Variants in RBPJ observed in about 807,000 individuals in gnomAD.
The protein encoded by RBPJ is recombination signal binding protein for immunoglobulin kappa J region, also known as recombining binding protein suppressor of hairless.
RBPJ carries 9 observed loss-of-function variants against 67.8 expected under a neutral mutation model. The observed-to-expected ratio is 0.13, with a 90% CI of 0.08 to 0.23. The LOEUF is 0.23. RBPJ is among the 10% of genes least tolerant of loss of function. RBPJ has a pLI of 1.00. For missense variants in RBPJ, 305 were observed against 595.6 expected, an observed-to-expected ratio of 0.51 and a Z score of 5.08; for synonymous variants, 198 against 203.3, an observed-to-expected ratio of 0.97 and a Z score of 0.22.
rs749657365 is a variant in RBPJ at position 26,321,033 on chromosome 4, C to T, written c.5C>T (p.Ala2Val). M[A>V]PVVTGKFGER... ...TTTGGCGAGAGTTTGTGGAAGATGG[C>T]GCCTGTTGTGACAGGGTAAGTCTGA... Residue 2 changes from alanine (A) to valine (V), a missense_variant, in exon 1 of 11, where the codon GCG becomes GTG. This residue lies in a region of RBPJ where 42 missense variants were observed against 43.6 expected (regional missense o/e 0.96). Coordinates refer to ENST00000355476, the MANE Select transcript of RBPJ (RefSeq NM_015874.6). The T allele has an allele frequency of 2.5e-6, 4 of 1,612,398 alleles. No homozygotes were observed. The South Asian group carries it at 4.4e-5, about 18-fold the overall frequency.
chr4:26,355,141 C>T (rs552997540), intron 1 of RBPJ, among the ~76,000 whole-genome samples: 1 of 152,110 alleles, frequency 6.6e-6, no homozygotes, highest in East Asian at 1.9e-4. Flanking sequence ...CTCCTAGACT[C>T]AAGCAGTCTT....
intron 1 of RBPJ, among the ~76,000 whole-genome samples, chr4:26,217,448 T>A (rs1187933155): frequency 6.6e-6 from 1 of 152,044 alleles, no homozygotes; most frequent in Non-Finnish European, 1.5e-5. Flanking sequence ...GTGAGGTTGC[T>A]GCAAGTATTC....
the RBPJ span, among the ~76,000 whole-genome samples, chr4:26,133,876 C>T: frequency 6.6e-6 from 1 of 152,134 alleles, no homozygotes; most frequent in South Asian, 2.1e-4. Flanking sequence ...CACTCCTACT[C>T]TGCTTCTTTG....
rs180993354 is a variant in RBPJ at position 26,206,535 on chromosome 4, C to T, written c.-167+42921C>T. 6.6e-4 allele frequency among the ~76,000 whole-genome samples: 101 copies of T among 152,290 alleles called. 1 individual carries two copies. Among genetic ancestry groups the T allele is most frequent in the African/African-American group, 2.4e-3 (98 of 41,572 alleles). The stretch of plus-strand genomic sequence containing the variant: ...CAGGCATAACTCCAAGAAAAAGAGA[C>T]ACATGGTGAGGAACTGACATAATTT... On this transcript the variant is annotated intron_variant, in intron 1 of 4. Coordinates refer to the RBPJ transcript ENST00000512351.
chr4:26,395,677 C>T (rs1219062706), intron 2 of RBPJ, among the ~76,000 whole-genome samples: 1 of 152,104 alleles, frequency 6.6e-6, no homozygotes, highest in African/African-American at 2.4e-5. Flanking sequence ...TGGAAGCACC[C>T]CGAGCCATTC....
the RBPJ span, among the ~76,000 whole-genome samples, chr4:26,108,758 A>G: frequency 1.3e-5 from 2 of 152,216 alleles, no homozygotes; most frequent in Non-Finnish European, 2.9e-5. Flanking sequence ...CACATCTTCT[A>G]AGACTCAGCA....
chr4:26,312,140 A>AT (rs992899664), intron 1 of RBPJ, among the ~76,000 whole-genome samples: 6 of 149,992 alleles, frequency 4.0e-5, no homozygotes, highest in African/African-American at 1.2e-4. Flanking sequence ...ATTTTATTTT[A>AT]TTTTTTTTTG....
At chr4:26,319,921 C>A (rs372600082), upstream of RBPJ, 74 of 1,575,262 alleles carry the variant, frequency 4.7e-5, no homozygotes, top group African/African-American at 8.8e-4. Context: ...GGGCCCTTCA[C>A]CCTGCTGTTC....
At chr4:26,247,408 C>CT (rs564878273) in intron 1 of RBPJ, among the ~76,000 whole-genome samples, 36 of 148,048 alleles carry the variant, frequency 2.4e-4, no homozygotes, top group African/African-American at 5.2e-4. Flanking sequence ...TTTCATAATA[C>CT]TTTTTTTTTT....
chr4:26,320,968 C>A (rs1210112046), upstream of RBPJ: 1 of 1,612,058 alleles, frequency 6.2e-7, no homozygotes, highest in African/African-American at 1.3e-5. Flanking sequence ...GGGAGAGGGA[C>A]CAGGGAAGGC....
At chr4:26,358,460 A>G (rs1271232672) in intron 1 of RBPJ, among the ~76,000 whole-genome samples, 3 of 151,986 alleles carry the variant, frequency 2.0e-5, no homozygotes, top group African/African-American at 7.3e-5. Context: ...CTTTACTAAC[A>G]TTTCTTTTTG....
chr4:26,386,463 A>G (rs532063218), intron 2 of RBPJ, 72 bp downstream of exon 2: 1 of 975,694 alleles, frequency 1.0e-6, no homozygotes, highest in African/African-American at 1.7e-5. Flanking sequence ...TTTAGATATT[A>G]TATTAATAGG....
intron 3 of RBPJ, among the ~76,000 whole-genome samples, chr4:26,411,107 A>G (rs539929459): frequency 1.6e-4 from 25 of 152,260 alleles, no homozygotes; most frequent in Admixed American, 4.6e-4. Flanking sequence ...GGCCTAAAAT[A>G]CACCACATAA....
intron 1 of RBPJ, among the ~76,000 whole-genome samples, chr4:26,365,296 C>A (rs551883064): frequency 6.6e-6 from 1 of 152,084 alleles, no homozygotes; most frequent in African/African-American, 2.4e-5. Flanking sequence ...CACTATTTGA[C>A]TGATGTTTTC....
chr4:26,199,947 G>C (rs901496633), intron 1 of RBPJ, among the ~76,000 whole-genome samples: 1 of 152,184 alleles, frequency 6.6e-6, no homozygotes, highest in South Asian at 2.1e-4. Flanking sequence ...TTCTGTAAAT[G>C]CTTCTTGGGG....
rs1275180375 is a variant in RBPJ at position 26,270,417 on chromosome 4, GAA to G, written c.-166-92027_-166-92026del. ...AGAAAGAAAGAAAGAAAGAAAGAAA[GAA>G]AGAAAGAAAGAAAGAAAGAAGAAAG... is the stretch of plus-strand genomic sequence containing the variant. On this transcript the variant is annotated intron_variant, in intron 1 of 4. Coordinates refer to the RBPJ transcript ENST00000512351. 1.5e-3 allele frequency among the ~76,000 whole-genome samples: 84 copies of G among 54,624 alleles called. 2 individuals carry two copies. The highest frequency in any genetic ancestry group is 0.011 in the Middle Eastern group (1 of 92). 35.8% of individuals were successfully genotyped at this position (54,624 alleles called of 152,430 possible). A position where few individuals can be genotyped will look rare whatever the true frequency, so the allele number is the denominator to read the frequency against.
At chr4:26,258,756 A>G (rs1277981020) in intron 1 of RBPJ, among the ~76,000 whole-genome samples, 1 of 151,884 alleles carries the variant, frequency 6.6e-6, no homozygotes, top group Non-Finnish European at 1.5e-5. Context: ...TAGATTATTA[A>G]CTGAAAAATA....
intron 1 of RBPJ, among the ~76,000 whole-genome samples, chr4:26,334,778 GTGTTT>G (rs1237402164): frequency 6.6e-6 from 1 of 152,122 alleles, no homozygotes; most frequent in African/African-American, 2.4e-5. Context: ...TCTGCATCTT[GTGTTT>G]TGTTTTGTTA....
the RBPJ span, among the ~76,000 whole-genome samples, chr4:26,109,456 CTCTCTATATATATATA>C: frequency 1.1e-4 from 2 of 18,688 alleles, no homozygotes; most frequent in Non-Finnish European, 2.0e-4. Context: ...CTCTCTCTCT[CTCTCTATATATATATA>C]TATATATATA....
Sources: gnomAD v4.1 joint callset for allele counts (sites outside exome capture counted in the v4.1 genomes callset) on GRCh38, gnomAD v4.1.1 for gene constraint, gnomAD v4.1.1 regional missense constraint, MANE v1.5 for transcripts, NCBI Gene and HGNC (gene_info 2026-07-23, HGNC 2026-07-21) for gene names.